ADGRG4: variants seen among roughly 807,000 people sequenced by gnomAD.
ADGRG4 encodes the protein adhesion G protein-coupled receptor G4.
ADGRG4 carries 122 observed loss-of-function variants against 126.2 expected under a neutral mutation model. The observed-to-expected ratio is 0.97, with a 90% CI of 0.83 to 1.12. ADGRG4 has a LOEUF of 1.12. Among genes scored for constraint, ADGRG4 ranks in the 50% most tolerant of loss-of-function variants. ADGRG4 has a pLI of 0.00. For missense variants in ADGRG4, 2,481 were observed against 2,251.8 expected (o/e 1.10, Z -2.06); for synonymous variants, 943 against 838.7 (o/e 1.12, Z -2.15).
At chrX:136,389,052 C>T (rs1348998539) in intron 16 of ADGRG4, among the ~76,000 whole-genome samples, 4 of 111,944 alleles carry the variant, frequency 3.6e-5, no homozygotes, top group South Asian at 3.8e-4. Context: ...CCATACCACA[C>T]GCCACCTCAA....
Position 136,405,940 on chromosome X carries a change from T to G in ADGRG4, c.8903T>G (p.Leu2968Trp), listed in dbSNP as rs1245217139. Reference protein sequence around the residue: ...FAWGPMRNFFLYLFAIFNTLQ... With the variant: ...FAWGPMRNFFWYLFAIFNTLQ... The stretch of plus-strand genomic sequence containing the variant: ...TGGGGACCCATGAGGAACTTTTTCT[T>G]GTATTTGTTTGCCATTTTTAACACT... The change falls in exon 23 of 26, where the codon TTG (leucine) becomes TGG (tryptophan). Residue 2968 changes from leucine (L) to tryptophan (W), a missense_variant. Coordinates refer to ENST00000394143, the MANE Select transcript of ADGRG4 (RefSeq NM_153834.4). The G allele has an allele frequency of 6.2e-6, 7 of 1,132,185 alleles. No individual in the cohort carries two copies. Among genetic ancestry groups the G allele is most frequent in the Admixed American group, 2.7e-5 (1 of 36,587 alleles). 93.3% of individuals were successfully genotyped at this position (1,132,185 alleles called of 1,213,427 possible).
chrX:136,405,811 C>G lies in ADGRG4; in HGVS notation c.8774C>G (p.Ser2925Cys). The G allele has an allele frequency of 5.0e-6, 6 of 1,210,535 alleles. No homozygotes were observed. Among genetic ancestry groups the G allele is most frequent in the Non-Finnish European group, 6.7e-6 (6 of 894,815 alleles). The change falls in exon 23 of 26, where the codon TCC becomes TGC. Residue 2925 changes from serine to cysteine, a missense_variant. Physicochemically the swap from Ser to Cys is moderately radical, Grantham distance 112. Transcript: ENST00000394143. ...CTTGTTCAACTGAATTCTGTGAAAT[C>G]CCAAATCCAGAAGACTCGGCGGAAG... ...TVLVQLNSVK[S>C]QIQKTRRKMI...
intron 21 of ADGRG4, 123 bp downstream of exon 21, chrX:136,400,239 C>A: frequency 1.7e-6 from 1 of 576,221 alleles, no homozygotes; most frequent in Non-Finnish European, 2.7e-6. Context: ...GGTGTTTGGG[C>A]ATGCATCTTT....
intron 15 of ADGRG4, among the ~76,000 whole-genome samples, chrX:136,374,361 T>C (rs191958364): frequency 4.8e-4 from 54 of 111,769 alleles, no homozygotes; most frequent in South Asian, 1.1e-3. Flanking sequence ...GATCATATTA[T>C]TTCTATGTCT....
At position 136,380,604 on chromosome X, in the gene ADGRG4, C is replaced by CTCTTCTTCTTCTTCT. The variant is rs1219064272; in HGVS notation, c.7777-7103_7777-7089dup. Among the ~76,000 whole-genome samples, 69 of 55,344 alleles carry CTCTTCTTCTTCTTCT rather than the reference C, an allele frequency of 1.2e-3. 1 individual carries two copies. Among genetic ancestry groups the CTCTTCTTCTTCTTCT allele is most frequent in the African/African-American group, 1.8e-3 (26 of 14,084 alleles). The allele number at this position is 55,344 out of a possible 115,157, so 48.1% of individuals were successfully genotyped here. ...CCTCCTCCTCCTCCTCCTCCTCCTC[C>CTCTTCTTCTTCTTCT]TCTTCTTCTTCTTCTTCTTCTTCTT... On this transcript the variant is annotated intron_variant, in intron 15 of 25. Transcript: ENST00000394143.
chrX:136,322,502 G>T (rs1180045085), intron 4 of ADGRG4, among the ~76,000 whole-genome samples: 2 of 111,572 alleles, frequency 1.8e-5, no homozygotes, highest in Non-Finnish European at 3.8e-5. Flanking sequence ...TCTCCAAGCT[G>T]TCCAGCTGGT....
intron 25 of ADGRG4, 126 bp from the exon 26 acceptor site, chrX:136,416,328 C>A: frequency 2.0e-6 from 1 of 492,356 alleles, no homozygotes; most frequent in Non-Finnish European, 3.4e-6. Context: ...AAGAAAGCAC[C>A]ATATCCTTCC....
intron 5 of ADGRG4, among the ~76,000 whole-genome samples, chrX:136,328,256 G>A (rs1198824894): frequency 9.0e-6 from 1 of 111,676 alleles, no homozygotes; most frequent in Non-Finnish European, 1.9e-5. Context: ...GGACTTTGAA[G>A]TTGTTTCTAG....
intron 11 of ADGRG4, among the ~76,000 whole-genome samples, chrX:136,360,409 C>G (rs1403458311): frequency 9.0e-6 from 1 of 110,980 alleles, no homozygotes; most frequent in East Asian, 2.8e-4. Context: ...GCCTTAACAG[C>G]CCTATGTGGA....
chrX:136,380,604 C>CTCTTCTTCTTCTTCTTCTTCT (rs1219064272), intron 15 of ADGRG4, among the ~76,000 whole-genome samples: 14 of 55,342 alleles, frequency 2.5e-4, no homozygotes, highest in East Asian at 4.8e-4. Context: ...CCTCCTCCTC[C>CTCTTCTTCTTCTTCTTCTTCT]TCTTCTTCTT....
rs769232229 is a variant in ADGRG4 at position 136,412,407 on chromosome X, T to C, written c.9037+41T>C. On this transcript the variant is annotated intron_variant, in intron 24 of 25. Coordinates refer to ENST00000394143, the MANE Select transcript of ADGRG4 (RefSeq NM_153834.4). The stretch of plus-strand genomic sequence containing the variant: ...GGATGAAGTTTTGAATATTACATGT[T>C]TTACAAAACTGATCAGATTAATTTG... 6.1e-6 allele frequency: 5 copies of C among 822,288 alleles called. No individual in the cohort carries two copies. In the Admixed American group the frequency reaches 8.9e-5, roughly 15 times the overall value. 67.8% of individuals were successfully genotyped at this position (822,288 alleles called of 1,213,427 possible). A position where few individuals can be genotyped will look rare whatever the true frequency, so the allele number is the denominator to read the frequency against.
intron 15 of ADGRG4, among the ~76,000 whole-genome samples, chrX:136,380,451 TTTATGTTTATTACTTCC>T (rs2075252637): frequency 9.0e-6 from 1 of 111,141 alleles, no homozygotes; most frequent in Non-Finnish European, 1.9e-5. Context: ...GATATCTGAT[TTTATGTTTATTACTTCC>T]TTTCTTGTAC....
At position 136,350,146 on chromosome X, in the gene ADGRG4, T is replaced by C. The variant is rs763229766; in HGVS notation, c.6440T>C (p.Leu2147Pro). 8.3e-7 allele frequency: 1 copy of C among 1,208,596 alleles called. No individual in the cohort carries two copies. The highest frequency in any genetic ancestry group is 3.0e-5 in the East Asian group (1 of 33,749). ...DHTLSVGAMP[L>P]PSSTITSSWN... The stretch of plus-strand genomic sequence containing the variant: ...ACTCTATCTGTTGGTGCCATGCCTC[T>C]GCCTAGCTCTACAATAACATCTTCA... The change falls in exon 6 of 26, where the codon CTG (leucine) becomes CCG (proline). Residue 2147 changes from leucine (L) to proline (P), a missense_variant. Coordinates refer to ENST00000394143, the MANE Select transcript of ADGRG4 (RefSeq NM_153834.4).
intron 19 of ADGRG4, among the ~76,000 whole-genome samples, chrX:136,397,277 C>T (rs1391090840): frequency 9.0e-6 from 1 of 111,411 alleles, no homozygotes; most frequent in Non-Finnish European, 1.9e-5. Context: ...CCAAAGTAAA[C>T]ACTGCTTCTT....
chrX:136,337,065 A>G (rs2074952133), intron 5 of ADGRG4, among the ~76,000 whole-genome samples: 2 of 111,196 alleles, frequency 1.8e-5, no homozygotes, highest in Non-Finnish European at 3.8e-5. Context: ...CCTGGGCTCA[A>G]GTAATCCTCC....
chrX:136,332,171 A>C (rs2074916074), intron 5 of ADGRG4, among the ~76,000 whole-genome samples: 3 of 84,996 alleles, frequency 3.5e-5, no homozygotes, highest in South Asian at 7.4e-4. Context: ...CCACCCCACA[A>C]CAGTCCCCAG....
intron 5 of ADGRG4, among the ~76,000 whole-genome samples, chrX:136,323,888 T>C (rs958490833): frequency 8.9e-6 from 1 of 112,029 alleles, no homozygotes; most frequent in African/African-American, 3.2e-5. Context: ...AGTTGTCATG[T>C]CTCTTTAGAC....
At chrX:136,356,227 C>A in intron 9 of ADGRG4, 62 bp downstream of exon 9, 1 of 779,337 alleles carries the variant, frequency 1.3e-6, no homozygotes, top group Non-Finnish European at 1.9e-6. Context: ...AGATGTAAGT[C>A]AATAGCTCTT....
chrX:136,343,276 A>G (rs761187361), intron 5 of ADGRG4, among the ~76,000 whole-genome samples: 3 of 111,186 alleles, frequency 2.7e-5, no homozygotes, highest in African/African-American at 6.5e-5. Flanking sequence ...ATACCAGAAG[A>G]GGACCCAGTT....
Sources: gnomAD v4.1 joint callset for allele counts (sites outside exome capture counted in the v4.1 genomes callset) on GRCh38, gnomAD v4.1.1 for gene constraint, MANE v1.5 for transcripts, NCBI Gene and HGNC (gene_info 2026-07-23, HGNC 2026-07-21) for gene names.